Variants in LIPC observed in about 807,000 individuals in gnomAD.
LIPC encodes lipase C, hepatic type.
In LIPC, 44 loss-of-function variants were observed where a neutral mutation model predicts 50.7. The ratio of observed to expected loss-of-function variants is 0.87; its 90% CI spans 0.68 to 1.11. LIPC has a LOEUF of 1.11. Ranked by LOEUF, LIPC falls within the 50% of genes most tolerant of loss-of-function variation. The pLI, the probability that LIPC is intolerant of heterozygous loss-of-function variation, is 0.00. For synonymous variants in LIPC, 271 were observed against 256.4 expected (o/e 1.06, Z -0.54); for missense variants, 697 against 648.2 (o/e 1.08, Z -0.82).
intron 1 of LIPC, among the ~76,000 whole-genome samples, chr15:58,454,024 G>A (rs1894016128): frequency 6.6e-6 from 1 of 152,194 alleles, no homozygotes; most frequent in African/African-American, 2.4e-5. Flanking sequence ...ATTCTGTGAG[G>A]TGTTTAACCT....
chr15:58,438,354 C>G (rs1050910217), intron 1 of LIPC, among the ~76,000 whole-genome samples: 5 of 152,274 alleles, frequency 3.3e-5, no homozygotes, highest in Admixed American at 6.5e-5. Flanking sequence ...CCACGTAGAA[C>G]AGAGGTCACA....
chr15:58,547,624 T>C (rs1893581238), intron 5 of LIPC, among the ~76,000 whole-genome samples: 1 of 144,978 alleles, frequency 6.9e-6, no homozygotes, highest in Admixed American at 7.1e-5. Flanking sequence ...GGTTAAAATT[T>C]GGAGAGTTAA....
intron 1 of LIPC, among the ~76,000 whole-genome samples, chr15:58,505,037 C>T (rs1368187925): frequency 6.6e-6 from 1 of 152,230 alleles, no homozygotes; most frequent in African/African-American, 2.4e-5. Context: ...GCTGGAGGAA[C>T]CACCAAGGCA....
At chr15:58,493,785 A>T (rs1891673015) in intron 1 of LIPC, among the ~76,000 whole-genome samples, 1 of 149,964 alleles carries the variant, frequency 6.7e-6, no homozygotes, top group Non-Finnish European at 1.5e-5. Flanking sequence ...ATATAAGTTT[A>T]TATATATTTA....
intron 1 of LIPC, among the ~76,000 whole-genome samples, chr15:58,501,519 A>G (rs73422670): frequency 0.014 from 2,178 of 152,220 alleles, 48 homozygotes; most frequent in African/African-American, 0.05. Flanking sequence ...AAGAAATCAT[A>G]GTTGATGATG....
At chr15:58,442,174 G>A (rs1464533513) in intron 1 of LIPC, among the ~76,000 whole-genome samples, 1 of 152,142 alleles carries the variant, frequency 6.6e-6, no homozygotes, top group Non-Finnish European at 1.5e-5. Context: ...TGACATTCTG[G>A]GTGTGAATGG....
At chr15:58,496,743 C>CACAAAAAAAAAAAAAAAAAAAA (rs1891778088) in intron 1 of LIPC, among the ~76,000 whole-genome samples, 1 of 114,180 alleles carries the variant, frequency 8.8e-6, no homozygotes. Flanking sequence ...TCTTCCCCCT[C>CACAAAAAAAAAAAAAAAAAAAA]AAAAAAAAAA....
intron 5 of LIPC, among the ~76,000 whole-genome samples, chr15:58,546,617 A>G (rs2140923816): frequency 6.6e-6 from 1 of 152,312 alleles, no homozygotes; most frequent in African/African-American, 2.4e-5. Flanking sequence ...TATGCACAGG[A>G]TTAAAGAACA....
At chr15:58,544,106 G>C (rs867023819) in intron 4 of LIPC, among the ~76,000 whole-genome samples, 1 of 152,324 alleles carries the variant, frequency 6.6e-6, no homozygotes, top group South Asian at 2.1e-4. Context: ...CCTGGTCACA[G>C]ACCGGCGTGT....
intron 1 of LIPC, among the ~76,000 whole-genome samples, chr15:58,500,619 A>G (rs1431995806): frequency 1.3e-5 from 2 of 152,124 alleles, no homozygotes; most frequent in Non-Finnish European, 2.9e-5. Context: ...GACTGTTTTC[A>G]TATGTGCTGC....
intron 1 of LIPC, chr15:58,494,787 G>A (rs1290360667): frequency 2.2e-6 from 1 of 456,208 alleles, no homozygotes; most frequent in East Asian, 6.9e-5. Context: ...ATGCACATAA[G>A]GAATCTGGAG....
At chr15:58,491,174 G>A (rs911234392) in intron 1 of LIPC, among the ~76,000 whole-genome samples, 1 of 152,140 alleles carries the variant, frequency 6.6e-6, no homozygotes, top group African/African-American at 2.4e-5. Flanking sequence ...CCGCCCCATC[G>A]CCAAAGAAAG....
rs757932502 is a variant in LIPC, at chr15:58,545,697, C to T, written c.575-45C>T. Reference sequence around the variant, plus strand: ...AAGCTAAAAAGCACATCTCTCTTCCCCTCTCCTTGCTCCTGCGTAACCCTT... The same window carrying T: ...AAGCTAAAAAGCACATCTCTCTTCCTCTCTCCTTGCTCCTGCGTAACCCTT... On this transcript the variant is annotated intron_variant, in intron 4 of 8. Coordinates refer to ENST00000299022, the MANE Select transcript of LIPC (RefSeq NM_000236.3). The T allele has an allele frequency of 9.2e-6, 14 of 1,520,870 alleles. No individual in the cohort carries two copies. The South Asian group carries it at 1.2e-4, about 13-fold the overall frequency. 94.2% of individuals were successfully genotyped at this position (1,520,870 alleles called of 1,614,324 possible).
chr15:58,548,610 T>G (rs1420431066), intron 6 of LIPC, 38 bp downstream of exon 6: 1 of 1,571,396 alleles, frequency 6.4e-7, no homozygotes, highest in Non-Finnish European at 8.6e-7. Flanking sequence ...AAGGGCAGGA[T>G]GCAGTCCCCT....
At chr15:58,544,276 C>G (rs1403195927) in intron 4 of LIPC, among the ~76,000 whole-genome samples, 3 of 152,180 alleles carry the variant, frequency 2.0e-5, no homozygotes, top group African/African-American at 7.2e-5. Flanking sequence ...TTAGGCGTAT[C>G]AGCTGGGCCC....
At chr15:58,490,260 A>G (rs1403611118) in intron 1 of LIPC, among the ~76,000 whole-genome samples, 1 of 152,208 alleles carries the variant, frequency 6.6e-6, no homozygotes, top group Non-Finnish European at 1.5e-5. Flanking sequence ...CCCTAGAGCC[A>G]GCGACACTCA....
intron 1 of LIPC, among the ~76,000 whole-genome samples, chr15:58,510,702 A>C (rs111604564): frequency 2.0e-5 from 3 of 152,372 alleles, no homozygotes; most frequent in African/African-American, 7.2e-5. Flanking sequence ...TCACTAAGAC[A>C]TCAGGTTTTA....
intron 1 of LIPC, among the ~76,000 whole-genome samples, chr15:58,493,389 AAT>A (rs1891649703): frequency 6.6e-6 from 1 of 152,080 alleles, no homozygotes; most frequent in African/African-American, 2.4e-5. Flanking sequence ...ACAGACAAGA[AAT>A]AAAGACTCCA....
Position 58,546,175 on chromosome 15 carries a change from G to T in LIPC, c.808+200G>T, listed in dbSNP as rs148129322. Among the ~76,000 whole-genome samples, 929 of 152,336 alleles carry T rather than the reference G, an allele frequency of 6.1e-3. 10 individuals carry two copies. Among genetic ancestry groups the T allele is most frequent in the African/African-American group, 0.021 (875 of 41,574 alleles). Reference sequence around the variant, plus strand: ...GCCTGTCCCCCAGCAGGCCACTCCTGGCAACAGGCCAACGCCACGCCCTGA... The same window carrying T: ...GCCTGTCCCCCAGCAGGCCACTCCTTGCAACAGGCCAACGCCACGCCCTGA... On this transcript the variant is annotated intron_variant, in intron 5 of 8. Coordinates refer to ENST00000299022, the MANE Select transcript of LIPC (RefSeq NM_000236.3).
Sources: allele counts gnomAD v4.1 joint callset (sites outside exome capture counted in the v4.1 genomes callset), GRCh38; gene constraint gnomAD v4.1.1; transcripts MANE v1.5; gene names NCBI Gene and HGNC (gene_info 2026-07-23, HGNC 2026-07-21).